The following DLGAP5 variants were observed in gnomAD, a reference collection of about 807,000 sequenced individuals.
DLGAP5 encodes the protein DLG associated protein 5.
In DLGAP5, 90 loss-of-function variants were observed where a neutral mutation model predicts 99.6. The ratio of observed to expected loss-of-function variants is 0.90; its 90% confidence interval spans 0.76 to 1.08. DLGAP5 has a LOEUF of 1.08. Ranked by LOEUF, DLGAP5 falls within the 50% of genes least tolerant of loss-of-function variation. The probability of loss-of-function intolerance (pLI) is 0.00; values close to 1 mark genes in which losing one functional copy is unlikely to be tolerated. For synonymous variants in DLGAP5, 311 were observed against 321.3 expected (o/e 0.97, Z 0.34); for missense variants, 1,036 against 983.5 (o/e 1.05, Z -0.71).
chr14:55,163,757 T>C (rs773543533), intron 12 of DLGAP5, among the ~76,000 whole-genome samples: 2 of 152,246 alleles, frequency 1.3e-5, no homozygotes, highest in Non-Finnish European at 2.9e-5. Context: ...TTGTTTTGAT[T>C]TGTAGTTCAC....
chr14:55,149,261 G>A (rs923952499), intron 18 of DLGAP5, among the ~76,000 whole-genome samples: 2 of 152,118 alleles, frequency 1.3e-5, no homozygotes, highest in African/African-American at 4.8e-5. Flanking sequence ...TTCAGGGTTC[G>A]ATCTGGGAAC....
intron 10 of DLGAP5, among the ~76,000 whole-genome samples, chr14:55,172,597 C>G (rs927252554): frequency 2.6e-5 from 4 of 151,916 alleles, no homozygotes; most frequent in African/African-American, 9.7e-5. Context: ...GCACTCCAGC[C>G]TGGGTGACAG....
At chr14:55,169,587 T>C (rs575747199) in intron 11 of DLGAP5, 28 bp from the exon 12 acceptor site, 1 of 1,551,506 alleles carries the variant, frequency 6.4e-7, no homozygotes, top group African/African-American at 1.4e-5. Context: ...TTTTTTAAAA[T>C]TAAAGGACAA....
intron 18 of DLGAP5, chr14:55,150,396 G>C (rs1480856597): frequency 6.3e-6 from 1 of 157,706 alleles, no homozygotes; most frequent in East Asian, 1.9e-4. Context: ...GAGGTCACCA[G>C]AAGTAAAAGC....
At position 55,175,948 on chromosome 14, in the gene DLGAP5, G is replaced by T. The variant is rs769430829; in HGVS notation, c.1120C>A (p.Gln374Lys). The change falls in exon 9 of 19, where the codon CAA becomes AAA. Residue 374 changes from glutamine to lysine, a missense_variant. By Grantham distance (53) the Gln-to-Lys change is moderately conservative. Coordinates refer to ENST00000247191, the MANE Select transcript of DLGAP5 (RefSeq NM_014750.5). ...CKTYSTKTIQ[Q>K]DSNKLPCPLG... ...GGACATGGCAATTTATTTGAATCTT[G>T]CTGTATTGTCTTGGTAGAGTAAGTT... 4 of 1,609,730 alleles carry T rather than the reference G, an allele frequency of 2.5e-6. No individual in the cohort carries two copies. In the African/African-American group the frequency reaches 5.3e-5, roughly 22 times the overall value.
At chr14:55,178,770 G>C (rs1379001863) in intron 7 of DLGAP5, among the ~76,000 whole-genome samples, 1 of 152,186 alleles carries the variant, frequency 6.6e-6, no homozygotes, top group Non-Finnish European at 1.5e-5. Flanking sequence ...ATACTGGCCA[G>C]GCGTGGTGGC....
intron 2 of DLGAP5, among the ~76,000 whole-genome samples, chr14:55,187,176 T>C (rs1398744192): frequency 1.3e-5 from 2 of 152,124 alleles, no homozygotes; most frequent in African/African-American, 4.8e-5. Context: ...ACTGGGATTA[T>C]AGGTATGAGC....
At chr14:55,187,077 TG>T (rs1356337571) in intron 2 of DLGAP5, among the ~76,000 whole-genome samples, 4 of 152,020 alleles carry the variant, frequency 2.6e-5, no homozygotes, top group Admixed American at 2.6e-4. Flanking sequence ...AGCTGATTTT[TG>T]TATTTTTAGT....
chr14:55,172,657 G>T (rs1420608280), intron 10 of DLGAP5, among the ~76,000 whole-genome samples: 1 of 151,786 alleles, frequency 6.6e-6, no homozygotes, highest in Non-Finnish European at 1.5e-5. Flanking sequence ...AATTTGAGTT[G>T]TTCATATTCA....
At chr14:55,177,375 C>T (rs771316643) in intron 7 of DLGAP5, 39 bp from the exon 8 acceptor site, 73 of 1,528,500 alleles carry the variant, frequency 4.8e-5, no homozygotes, top group Middle Eastern at 2.3e-4. Flanking sequence ...AGATTTCTCT[C>T]TTCTGAGGAT....
At chr14:55,180,511 G>T in intron 6 of DLGAP5, 145 bp downstream of exon 6, 3 of 1,136,736 alleles carry the variant, frequency 2.6e-6, no homozygotes, top group Non-Finnish European at 2.5e-6. Flanking sequence ...CAGATGTCAG[G>T]GCACAGAATC....
At chr14:55,183,968 C>T (rs557563847) in intron 2 of DLGAP5, among the ~76,000 whole-genome samples, 4 of 152,198 alleles carry the variant, frequency 2.6e-5, no homozygotes, top group Non-Finnish European at 4.4e-5. Context: ...GCCTGGCCAA[C>T]GTGGTGAAAT....
intron 12 of DLGAP5, among the ~76,000 whole-genome samples, chr14:55,165,542 C>A (rs7154338): frequency 0.55 from 83,371 of 150,490 alleles, 25,408 homozygotes; most frequent in African/African-American, 0.83. Flanking sequence ...AAAAAAAAAA[C>A]CCCAAAAAAA....
chr14:55,186,396 T>C (rs969986683), intron 2 of DLGAP5, among the ~76,000 whole-genome samples: 4 of 152,244 alleles, frequency 2.6e-5, no homozygotes, highest in African/African-American at 4.8e-5. Flanking sequence ...AACGTCTCTA[T>C]TTGTTTCAAA....
At chr14:55,177,000 AAAAAG>A in intron 8 of DLGAP5, 57 bp downstream of exon 8, 5 of 1,083,062 alleles carry the variant, frequency 4.6e-6, no homozygotes, top group Non-Finnish European at 5.9e-6. Context: ...AAAAAAAAAA[AAAAAG>A]AAAGGCATTT....
chr14:55,177,999 T>C (rs1238162003), intron 7 of DLGAP5, among the ~76,000 whole-genome samples: 2 of 145,862 alleles, frequency 1.4e-5, no homozygotes, highest in African/African-American at 2.7e-5. Context: ...ATGCCTGTAA[T>C]CCCAGCACTT....
At chr14:55,161,875 A>C (rs1272964838) in intron 13 of DLGAP5, among the ~76,000 whole-genome samples, 1 of 20,604 alleles carries the variant, frequency 4.9e-5, no homozygotes, top group East Asian at 9.6e-4. Context: ...ACTCTGTCTC[A>C]AAAAAAAAAA....
chr14:55,149,462 T>C (rs1277261265), intron 18 of DLGAP5, among the ~76,000 whole-genome samples: 1 of 152,180 alleles, frequency 6.6e-6, no homozygotes, highest in Non-Finnish European at 1.5e-5. Flanking sequence ...TGAAAAATAA[T>C]GAAAGACAAG....
chr14:55,166,956 G>T (rs570011435), intron 12 of DLGAP5, among the ~76,000 whole-genome samples: 6 of 151,284 alleles, frequency 4.0e-5, no homozygotes, highest in Admixed American at 1.3e-4. Flanking sequence ...ATGAGCATCA[G>T]TCAAGATAAT....
Sources: allele counts gnomAD v4.1 joint callset (sites outside exome capture counted in the v4.1 genomes callset), GRCh38; gene constraint gnomAD v4.1.1; transcripts MANE v1.5; gene names NCBI Gene and HGNC (gene_info 2026-07-23, HGNC 2026-07-21).